CSMD1: variants seen among roughly 807,000 people sequenced by gnomAD.
The protein encoded by CSMD1 is CUB and sushi domain-containing protein 1.
In CSMD1, 213 loss-of-function variants were observed where a neutral mutation model predicts 417.5. The observed-to-expected ratio is 0.51, with a 90% CI of 0.46 to 0.57. CSMD1 has a LOEUF of 0.57. CSMD1 is among the 20% of genes least tolerant of loss of function. The probability of loss-of-function intolerance (pLI) is 0.00; values close to 1 mark genes in which losing one functional copy is unlikely to be tolerated. For synonymous variants in CSMD1, 2,862 were observed against 1,736.8 expected (o/e 1.65, Z -16.11); for missense variants, 6,923 against 4,529.7 (o/e 1.53, Z -15.17).
At chr8:4,614,484 C>T (rs993268962) in intron 2 of CSMD1, among the ~76,000 whole-genome samples, 1 of 152,160 alleles carries the variant, frequency 6.6e-6, no homozygotes, top group Non-Finnish European at 1.5e-5. Flanking sequence ...CACCTCTAAA[C>T]TGATCTCTTT....
chr8:4,227,605 C>A (rs751085133), intron 3 of CSMD1, among the ~76,000 whole-genome samples: 53 of 152,028 alleles, frequency 3.5e-4, no homozygotes, highest in African/African-American at 1.3e-3. Flanking sequence ...TCAGGATTCC[C>A]TGCACATTCA....
At chr8:3,600,684 C>T (rs753252479) in intron 8 of CSMD1, among the ~76,000 whole-genome samples, 12 of 152,080 alleles carry the variant, frequency 7.9e-5, no homozygotes, top group East Asian at 1.9e-4. Context: ...TGGTCTAAAG[C>T]GAAAGTCTGC....
intron 4 of CSMD1, among the ~76,000 whole-genome samples, chr8:4,000,316 C>T (rs778954726): frequency 2.0e-5 from 3 of 152,242 alleles, no homozygotes; most frequent in Non-Finnish European, 4.4e-5. Context: ...CCCAGCTCGC[C>T]ACAGTTTTTA....
chr8:3,622,224 A>C (rs1796286177), intron 7 of CSMD1, among the ~76,000 whole-genome samples: 1 of 152,214 alleles, frequency 6.6e-6, no homozygotes, highest in Non-Finnish European at 1.5e-5. Flanking sequence ...TGCCACGTTT[A>C]TTCTTTCTGC....
intron 3 of CSMD1, among the ~76,000 whole-genome samples, chr8:4,206,719 C>G (rs540652196): frequency 3.9e-5 from 6 of 152,100 alleles, no homozygotes; most frequent in Non-Finnish European, 8.8e-5. Flanking sequence ...ATGGCTGGGT[C>G]AAATAGTATT....
At chr8:4,898,328 C>T (rs565972648) in intron 1 of CSMD1, among the ~76,000 whole-genome samples, 3 of 152,116 alleles carry the variant, frequency 2.0e-5, no homozygotes, top group South Asian at 4.1e-4. Context: ...TGACAGGGTC[C>T]ATTAGATTTA....
intron 41 of CSMD1, among the ~76,000 whole-genome samples, chr8:3,140,456 T>G (rs541948956): frequency 6.6e-6 from 1 of 151,976 alleles, no homozygotes; most frequent in African/African-American, 2.4e-5. Context: ...ACAGAAAGAG[T>G]GTTTCATAGA....
intron 2 of CSMD1, among the ~76,000 whole-genome samples, chr8:4,581,721 G>C (rs988284763): frequency 6.6e-6 from 1 of 152,212 alleles, no homozygotes; most frequent in Non-Finnish European, 1.5e-5. Flanking sequence ...ACAGCTTCCA[G>C]AGAATTCCCA....
At chr8:4,597,213 G>C (rs1437681481) in intron 2 of CSMD1, among the ~76,000 whole-genome samples, 1 of 152,018 alleles carries the variant, frequency 6.6e-6, no homozygotes, top group East Asian at 1.9e-4. Context: ...AAATAATAAA[G>C]TGTGTAATTT....
intron 2 of CSMD1, among the ~76,000 whole-genome samples, chr8:4,611,094 C>A (rs950001499): frequency 2.0e-5 from 3 of 151,924 alleles, no homozygotes; most frequent in Admixed American, 1.3e-4. Context: ...TAGAGAATTG[C>A]CTACTGCACT....
At chr8:4,898,408 A>G (rs1804644603) in intron 1 of CSMD1, among the ~76,000 whole-genome samples, 1 of 151,520 alleles carries the variant, frequency 6.6e-6, no homozygotes, top group Admixed American at 6.5e-5. Flanking sequence ...AATTCAGGCC[A>G]CACAGTGACT....
chr8:3,578,345 G>C (rs977195818), intron 9 of CSMD1, among the ~76,000 whole-genome samples: 3 of 152,246 alleles, frequency 2.0e-5, no homozygotes, highest in South Asian at 4.1e-4. Flanking sequence ...GTGATGATCT[G>C]TTAGGGATGC....
intron 1 of CSMD1, among the ~76,000 whole-genome samples, chr8:4,974,959 T>G (rs547610738): frequency 1.3e-5 from 2 of 152,346 alleles, no homozygotes; most frequent in Middle Eastern, 3.4e-3. Flanking sequence ...CGACAATAGA[T>G]TCAAGTCGAA....
chr8:3,975,379 T>C (rs1384922653), intron 5 of CSMD1, among the ~76,000 whole-genome samples: 4 of 152,296 alleles, frequency 2.6e-5, no homozygotes, highest in African/African-American at 9.6e-5. Context: ...CTTTTTATGA[T>C]ATGAGCTACA....
intron 5 of CSMD1, among the ~76,000 whole-genome samples, chr8:3,804,451 A>G (rs1208220559): frequency 1.3e-5 from 2 of 152,198 alleles, no homozygotes; most frequent in East Asian, 1.9e-4. Flanking sequence ...CTAAATTGAC[A>G]TGACTTACTA....
chr8:4,893,125 T>C (rs181739463), intron 1 of CSMD1, among the ~76,000 whole-genome samples: 2 of 152,254 alleles, frequency 1.3e-5, no homozygotes, highest in Non-Finnish European at 2.9e-5. Context: ...TTTGTCAGTG[T>C]GACAGGTAAA....
At chr8:4,567,353 C>T (rs1312717849) in intron 2 of CSMD1, among the ~76,000 whole-genome samples, 1 of 152,246 alleles carries the variant, frequency 6.6e-6, no homozygotes, top group South Asian at 2.1e-4. Flanking sequence ...GTGAAACATG[C>T]ACTTGGAAGA....
At chr8:3,611,002 T>G (rs528631576) in intron 8 of CSMD1, among the ~76,000 whole-genome samples, 2 of 145,180 alleles carry the variant, frequency 1.4e-5, no homozygotes, top group Non-Finnish European at 3.0e-5. Context: ...AAACACCGCA[T>G]GTTCTCACTC....
At chr8:4,905,005 C>G (rs1255082471) in intron 1 of CSMD1, among the ~76,000 whole-genome samples, 1 of 152,188 alleles carries the variant, frequency 6.6e-6, no homozygotes, top group African/African-American at 2.4e-5. Flanking sequence ...ATTACTCACT[C>G]TAAGGTAGTG....
Sources: gnomAD v4.1 joint callset for allele counts (sites outside exome capture counted in the v4.1 genomes callset) on GRCh38, gnomAD v4.1.1 for gene constraint, MANE v1.5 for transcripts, NCBI Gene and HGNC (gene_info 2026-07-23, HGNC 2026-07-21) for gene names.